The following RALGPS1 variants were observed in gnomAD, a reference collection of about 807,000 sequenced individuals.
The protein encoded by RALGPS1 is Ral GEF with PH domain and SH3 binding motif 1, also known as ras-specific guanine nucleotide-releasing factor RalGPS1.
RALGPS1 carries 19 observed loss-of-function variants against 78.8 expected under a neutral mutation model. The observed-to-expected ratio is 0.24, with a 90% confidence interval of 0.17 to 0.35. The LOEUF (loss-of-function observed/expected upper bound fraction) is 0.35. Ranked by LOEUF, RALGPS1 falls within the 10% of genes least tolerant of loss-of-function variation. The pLI, the probability that RALGPS1 is intolerant of heterozygous loss-of-function variation, is 1.00. For synonymous variants in RALGPS1, 228 were observed against 256.3 expected, an observed-to-expected ratio of 0.89 and a Z score of 1.06; for missense variants, 454 against 688.3, an observed-to-expected ratio of 0.66 and a Z score of 3.81.
In RALGPS1 at chr9:127,219,178, A is replaced by G. The variant is rs138778590; in HGVS notation, c.*409A>G. 0.012 allele frequency: 3,129 copies of G among 253,192 alleles called. 42 individuals are homozygous for G. The highest frequency in any genetic ancestry group is 0.017 in the Non-Finnish European group (2,134 of 127,870). 15.7% of individuals were successfully genotyped at this position (253,192 alleles called of 1,614,324 possible). On this transcript the variant is annotated 3_prime_UTR_variant, in exon 19 of 19. Coordinates refer to ENST00000259351, the MANE Select transcript of RALGPS1 (RefSeq NM_014636.3). The surrounding 1 kb of genome is among the most constrained non-coding windows in gnomAD (Gnocchi z 5.0). The stretch of plus-strand genomic sequence containing the variant: ...CTGTGGAACAGGCTTTTTACACCCC[A>G]AGTGCATGGGGTTGCTCGCCCACAG...
rs896816468 is a variant in RALGPS1 at position 127,221,930 on chromosome 9, C to T, written c.*3161C>T. The T allele has an allele frequency of 1.3e-5, 2 of 152,210 alleles. No individual in the cohort carries two copies. Among genetic ancestry groups the T allele is most frequent in the African/African-American group, 4.8e-5 (2 of 41,442 alleles). The allele number at this position is 152,210 out of a possible 1,614,324, so 9.4% of individuals were successfully genotyped here. ...CCGAGACTGCTGATGTCTGTAACCA[C>T]TGGGGAGCACTGCCAAAAATACAGC... On this transcript the variant is annotated 3_prime_UTR_variant, in exon 19 of 19. Transcript: ENST00000259351.
intron 1 of RALGPS1, among the ~76,000 whole-genome samples, chr9:126,954,502 C>G (rs958581541): frequency 6.6e-6 from 1 of 152,200 alleles, no homozygotes; most frequent in African/African-American, 2.4e-5. Flanking sequence ...CACTCTCTAG[C>G]ACAGCCAGGC....
chr9:127,204,198 ACT>A (rs1275206118), intron 14 of RALGPS1, among the ~76,000 whole-genome samples: 1 of 151,648 alleles, frequency 6.6e-6, no homozygotes, highest in African/African-American at 2.4e-5. Flanking sequence ...ACAGAGTCTC[ACT>A]CTGTTTTCCA....
intron 8 of RALGPS1, among the ~76,000 whole-genome samples, chr9:127,071,644 CTAAT>C (rs1374513848): frequency 1.3e-5 from 2 of 151,984 alleles, no homozygotes; most frequent in Non-Finnish European, 2.9e-5. Flanking sequence ...ACATTTTCCT[CTAAT>C]TACTGCTTTT....
rs1224011411 is a variant in RALGPS1, at chr9:127,219,626, GCCTGAGGCCCTCCTCTTCTCGC to G, written c.*861_*882del. ...TCCTCCCTTCCCCATTCCTAGCAGG[GCCTGAGGCCCTCCTCTTCTCGC>G]CCTTCCCACCATGCCAGAATGGGAA... is the stretch of plus-strand genomic sequence containing the variant. On this transcript the variant is annotated 3_prime_UTR_variant, in exon 19 of 19. Coordinates refer to ENST00000259351, the MANE Select transcript of RALGPS1 (RefSeq NM_014636.3). This position sits in a 1 kb window ranked among gnomAD's most constrained non-coding sequence, Gnocchi z 5.0. The G allele has an allele frequency of 1.3e-5, 2 of 152,620 alleles. No individual in the cohort carries two copies. Among genetic ancestry groups the G allele is most frequent in the Non-Finnish European group, 2.9e-5 (2 of 68,124 alleles). 9.5% of individuals were successfully genotyped at this position (152,620 alleles called of 1,614,324 possible). A position where few individuals can be genotyped will look rare whatever the true frequency, so the allele number is the denominator to read the frequency against.
intron 11 of RALGPS1, among the ~76,000 whole-genome samples, chr9:127,194,880 CT>C (rs1417019886): frequency 6.6e-6 from 1 of 152,182 alleles, no homozygotes; most frequent in African/African-American, 2.4e-5. Context: ...GGTTGTCAGC[CT>C]TGGGAGTCAA....
intron 8 of RALGPS1, among the ~76,000 whole-genome samples, chr9:127,083,431 A>C (rs2051377681): frequency 6.6e-6 from 1 of 152,252 alleles, no homozygotes; most frequent in Admixed American, 6.5e-5. Context: ...AATAGTCCAC[A>C]GATGGATGCT....
intron 4 of RALGPS1, among the ~76,000 whole-genome samples, chr9:127,024,435 A>G (rs2045781921): frequency 1.3e-5 from 2 of 150,468 alleles, no homozygotes; most frequent in Non-Finnish European, 1.5e-5. Context: ...CTCACTTCCT[A>G]TGCTTTCCCT....
At chr9:126,916,975 A>G (rs959161382) in intron 1 of RALGPS1, among the ~76,000 whole-genome samples, 3 of 152,158 alleles carry the variant, frequency 2.0e-5, no homozygotes, top group African/African-American at 7.2e-5. Flanking sequence ...GACCAGTCCA[A>G]ACTGTAATGC....
chr9:127,147,135 G>A (rs2058140286), intron 8 of RALGPS1, among the ~76,000 whole-genome samples: 1 of 152,194 alleles, frequency 6.6e-6, no homozygotes, highest in Admixed American at 6.5e-5. Context: ...GATTAGTGAT[G>A]CTGAGCAGCT....
intron 6 of RALGPS1, among the ~76,000 whole-genome samples, chr9:127,052,434 A>T (rs1005661926): frequency 2.0e-5 from 3 of 152,258 alleles, no homozygotes; most frequent in African/African-American, 7.2e-5. Context: ...GAGAGGGATT[A>T]TGCAGATTGG....
chr9:126,924,745 G>GC (rs2035102795), intron 1 of RALGPS1, among the ~76,000 whole-genome samples: 1 of 152,184 alleles, frequency 6.6e-6, no homozygotes, highest in Non-Finnish European at 1.5e-5. Context: ...TTGCCTACTA[G>GC]CCCATCTGGC....
chr9:127,019,108 C>A (rs1357861454), intron 4 of RALGPS1, among the ~76,000 whole-genome samples: 2 of 152,088 alleles, frequency 1.3e-5, no homozygotes, highest in African/African-American at 4.8e-5. Context: ...GCCTCATAGG[C>A]CTTTCGCAAC....
At chr9:127,105,794 G>A (rs1403301413) in intron 8 of RALGPS1, among the ~76,000 whole-genome samples, 1 of 152,212 alleles carries the variant, frequency 6.6e-6, no homozygotes, top group Non-Finnish European at 1.5e-5. Context: ...TGCACCTGCC[G>A]TCTACCCCAG....
chr9:127,219,016 C>G lies in RALGPS1; in HGVS notation c.*247C>G. ...CGCCTCTTGGGGCAGTGGTCAGACC[C>G]CACACGCCCTCTCTGGGCCCACCAC... is the stretch of plus-strand genomic sequence containing the variant. On this transcript the variant is annotated 3_prime_UTR_variant, in exon 19 of 19. Transcript: ENST00000259351. The surrounding 1 kb of genome is among the most constrained non-coding windows in gnomAD (Gnocchi z 5.0). The G allele has an allele frequency of 5.3e-6, 3 of 562,444 alleles. No individual in the cohort carries two copies. 34.8% of individuals were successfully genotyped at this position (562,444 alleles called of 1,614,324 possible). A position where few individuals can be genotyped will look rare whatever the true frequency, so the allele number is the denominator to read the frequency against.
intron 8 of RALGPS1, among the ~76,000 whole-genome samples, chr9:127,070,972 T>A (rs1243245553): frequency 6.6e-6 from 1 of 151,360 alleles, no homozygotes; most frequent in Admixed American, 6.6e-5. Context: ...ACTAGCATAG[T>A]TTTTTTCTTA....
chr9:127,034,340 C>T, intron 4 of RALGPS1, 91 bp from the exon 5 acceptor site: 2 of 1,173,174 alleles, frequency 1.7e-6, no homozygotes, highest in South Asian at 2.5e-5. Flanking sequence ...CCTTTCCCAC[C>T]TTCATGCATG....
chr9:127,150,821 C>T (rs1456175468), intron 8 of RALGPS1, among the ~76,000 whole-genome samples: 1 of 152,166 alleles, frequency 6.6e-6, no homozygotes, highest in East Asian at 1.9e-4. Context: ...GTGGCATCTG[C>T]AGAAGGAGTC....
At chr9:127,194,429 T>G (rs7033968) in intron 11 of RALGPS1, among the ~76,000 whole-genome samples, 7,943 of 152,216 alleles carry the variant, frequency 0.052, 690 homozygotes, top group African/African-American at 0.18. Flanking sequence ...CACTTTTTTT[T>G]GGGGACGGAG....
Sources: gnomAD v4.1 joint callset for allele counts (sites outside exome capture counted in the v4.1 genomes callset) on GRCh38, gnomAD v4.1.1 for gene constraint, Gnocchi (gnomAD v3.1) non-coding constraint, MANE v1.5 for transcripts, NCBI Gene and HGNC (gene_info 2026-07-23, HGNC 2026-07-21) for gene names.